RBMS3: variants seen among roughly 807,000 people sequenced by gnomAD.
RBMS3 encodes the protein RNA-binding motif, single-stranded-interacting protein 3.
RBMS3 carries 27 observed loss-of-function variants against 66.8 expected under a neutral mutation model. The observed-to-expected ratio is 0.40, with a 90% CI of 0.30 to 0.56. The LOEUF is 0.56. Ranked by LOEUF, RBMS3 falls within the 20% of genes least tolerant of loss-of-function variation. The probability of loss-of-function intolerance (pLI) is 0.40; values close to 1 mark genes in which losing one functional copy is unlikely to be tolerated. For missense variants in RBMS3, 513 were observed against 549.5 expected (o/e 0.93, Z 0.66); for synonymous variants, 188 against 183.0 (o/e 1.03, Z -0.22).
intron 2 of RBMS3, among the ~76,000 whole-genome samples, chr3:29,436,002 C>G (rs2041390333): frequency 6.6e-6 from 1 of 150,844 alleles, no homozygotes; most frequent in South Asian, 2.1e-4. Context: ...GAATCGTAGA[C>G]CTGTATTTTT....
intron 6 of RBMS3, among the ~76,000 whole-genome samples, chr3:29,837,663 CAT>C (rs3070797): frequency 0.063 from 4,173 of 66,480 alleles, 72 homozygotes; most frequent in Middle Eastern, 0.11. Context: ...ATATAATGAA[CAT>C]ATATATATAT....
intron 10 of RBMS3, chr3:29,924,817 A>C (rs2060888459): frequency 6.6e-6 from 1 of 152,660 alleles, no homozygotes; most frequent in African/African-American, 2.4e-5. Flanking sequence ...CCTGGGCAAC[A>C]AGAGCGAAAC....
At chr3:29,318,862 A>G (rs972980493) in intron 1 of RBMS3, among the ~76,000 whole-genome samples, 9 of 151,858 alleles carry the variant, frequency 5.9e-5, no homozygotes, top group Non-Finnish European at 1.3e-4. Flanking sequence ...AAGCATGACT[A>G]GGATACTAGG....
At chr3:29,797,811 G>C (rs575818929) in intron 6 of RBMS3, 204 of 152,268 alleles carry the variant, frequency 1.3e-3, no homozygotes, top group African/African-American at 4.6e-3. Flanking sequence ...CAATGTTTAT[G>C]TAAATAGAGG....
chr3:29,491,836 A>G (rs2043556011), intron 3 of RBMS3, among the ~76,000 whole-genome samples: 3 of 152,126 alleles, frequency 2.0e-5, no homozygotes, highest in Admixed American at 6.5e-5. Context: ...TACTAAAACT[A>G]TAAAAAATTA....
intron 10 of RBMS3, among the ~76,000 whole-genome samples, chr3:29,911,422 C>A (rs1179585160): frequency 6.6e-6 from 1 of 152,038 alleles, no homozygotes; most frequent in African/African-American, 2.4e-5. Flanking sequence ...GGGCTGTTGT[C>A]CTATATTCCA....
intron 3 of RBMS3, among the ~76,000 whole-genome samples, chr3:29,536,101 C>T (rs1416018439): frequency 6.6e-6 from 1 of 152,094 alleles, no homozygotes; most frequent in Non-Finnish European, 1.5e-5. Flanking sequence ...GAAAAGTTAG[C>T]ATGGTGGGTA....
In RBMS3 at chr3:29,517,271, A is replaced by ATGTGTGTG. The variant is rs58702096; in HGVS notation, c.307+28802_307+28809dup. Among the ~76,000 whole-genome samples the ATGTGTGTG allele has an allele frequency of 2.9e-3, 382 of 129,610 alleles. 2 individuals carry two copies. Among genetic ancestry groups the ATGTGTGTG allele is most frequent in the East Asian group, 0.011 (48 of 4,278 alleles). The allele number at this position is 129,610 out of a possible 152,430, so 85.0% of individuals were successfully genotyped here. On this transcript the variant is annotated intron_variant, in intron 3 of 14. Coordinates refer to ENST00000383767, the MANE Select transcript of RBMS3 (RefSeq NM_001003793.3). ...CTGTGTATGTGAGGTGATTTCATAT[A>ATGTGTGTG]TGTGTGTGTGTGTGTGTGTGTGTGT...
At chr3:29,392,842 A>G (rs1283354875) in intron 1 of RBMS3, among the ~76,000 whole-genome samples, 1 of 152,014 alleles carries the variant, frequency 6.6e-6, no homozygotes, top group Non-Finnish European at 1.5e-5. Context: ...AAAAGAGATC[A>G]TGCCAGTCAC....
intron 3 of RBMS3, among the ~76,000 whole-genome samples, chr3:29,507,505 A>C (rs2148948943): frequency 6.6e-6 from 1 of 152,212 alleles, no homozygotes; most frequent in Non-Finnish European, 1.5e-5. Flanking sequence ...GCGAAAAAAA[A>C]AGACAAATCT....
chr3:29,941,163 T>C (rs9858736), intron 11 of RBMS3, among the ~76,000 whole-genome samples: 2 of 151,668 alleles, frequency 1.3e-5, no homozygotes, highest in African/African-American at 4.8e-5. Context: ...ATATCATCGA[T>C]TTCCACAGTG....
rs71295051 is a variant in RBMS3 at position 29,796,712 on chromosome 3, CT to C, written c.637+33740del. ...TGAGAAGTAATATTTTGAAAGGAATCTTTTTTTTTTTTTTTTTGGAGATGGA... is the reference window on the plus strand; with the variant it reads ...TGAGAAGTAATATTTTGAAAGGAATCTTTTTTTTTTTTTTTTGGAGATGGA... On this transcript the variant is annotated intron_variant, in intron 6 of 14. Transcript: ENST00000383767. Among the ~76,000 whole-genome samples, 424 of 115,250 alleles carry C rather than the reference CT, an allele frequency of 3.7e-3. 13 individuals are homozygous for C. The highest frequency in any genetic ancestry group is 7.1e-3 in the African/African-American group (193 of 27,152). The allele number at this position is 115,250 out of a possible 152,430, so 75.6% of individuals were successfully genotyped here.
intron 14 of RBMS3, among the ~76,000 whole-genome samples, 177 bp from the exon 15 acceptor site, chr3:30,003,679 A>T (rs1699712479): frequency 6.6e-6 from 1 of 151,986 alleles, no homozygotes; most frequent in African/African-American, 2.4e-5. Context: ...CTGTATTTAA[A>T]TGAAAGTGGC....
At chr3:29,548,174 C>G (rs2046039274) in intron 3 of RBMS3, among the ~76,000 whole-genome samples, 1 of 152,044 alleles carries the variant, frequency 6.6e-6, no homozygotes, top group Non-Finnish European at 1.5e-5. Flanking sequence ...GGCCTGTAGT[C>G]CCAGAGCTTG....
chr3:29,476,110 T>C (rs1446765296), intron 2 of RBMS3, among the ~76,000 whole-genome samples: 2 of 152,134 alleles, frequency 1.3e-5, no homozygotes, highest in Non-Finnish European at 2.9e-5. Flanking sequence ...ATGAGAAGGA[T>C]TAAGGCAAAC....
intron 4 of RBMS3, among the ~76,000 whole-genome samples, chr3:29,737,659 T>C (rs1459321673): frequency 2.0e-5 from 3 of 152,174 alleles, no homozygotes; most frequent in Non-Finnish European, 2.9e-5. Context: ...GTAGATAAGG[T>C]TCATTATTAT....
intron 14 of RBMS3, among the ~76,000 whole-genome samples, chr3:29,999,264 C>T (rs1201695993): frequency 6.6e-6 from 1 of 152,150 alleles, no homozygotes; most frequent in Admixed American, 6.5e-5. Flanking sequence ...CAGGAAACAA[C>T]AGGTGCTGGA....
intron 1 of RBMS3, among the ~76,000 whole-genome samples, chr3:29,340,321 C>T (rs1040347234): frequency 5.9e-5 from 9 of 152,106 alleles, no homozygotes; most frequent in African/African-American, 2.2e-4. Flanking sequence ...TGAAGCTGGC[C>T]TTGTCTTCCT....
Position 29,301,711 on chromosome 3 carries a change from G to A in RBMS3, c.75+19955G>A, listed in dbSNP as rs377326945. Among the ~76,000 whole-genome samples the A allele has an allele frequency of 5.3e-4, 81 of 152,140 alleles. 1 individual carries two copies. In the South Asian group the frequency reaches 7.0e-3, roughly 13 times the overall value. On this transcript the variant is annotated intron_variant, in intron 1 of 14. Coordinates refer to ENST00000383767, the MANE Select transcript of RBMS3 (RefSeq NM_001003793.3). ...ACTGTTTTATCTGGGATTTGTTTCT[G>A]AAGTTGTATTTTAGGGCATTTGTTC...
Sources: allele counts gnomAD v4.1 joint callset (sites outside exome capture counted in the v4.1 genomes callset), GRCh38; gene constraint gnomAD v4.1.1; transcripts MANE v1.5; gene names NCBI Gene and HGNC (gene_info 2026-07-23, HGNC 2026-07-21).